The following CDH20 variants were observed in gnomAD, a reference collection of about 807,000 sequenced individuals.
CDH20 encodes the protein cadherin-20.
In CDH20, 29 loss-of-function variants were observed where a neutral mutation model predicts 74.2. The ratio of observed to expected loss-of-function variants is 0.39; its 90% CI spans 0.29 to 0.53. The LOEUF (loss-of-function observed/expected upper bound fraction) is 0.53. Ranked by LOEUF, CDH20 falls within the 20% of genes least tolerant of loss-of-function variation. The pLI, the probability that CDH20 is intolerant of heterozygous loss-of-function variation, is 0.69. For missense variants in CDH20, 988 were observed against 1,048.3 expected, an observed-to-expected ratio of 0.94 and a Z score of 0.79; for synonymous variants, 469 against 405.4, an observed-to-expected ratio of 1.16 and a Z score of -1.88.
At chr18:61,481,191 A>G (rs1910577273) in intron 1 of CDH20, among the ~76,000 whole-genome samples, 1 of 152,254 alleles carries the variant, frequency 6.6e-6, no homozygotes, top group South Asian at 2.1e-4. Flanking sequence ...AAAAACAGAC[A>G]AGTAAATAAT....
At chr18:61,363,356 G>C (rs1233613410) in intron 1 of CDH20, among the ~76,000 whole-genome samples, 6 of 151,998 alleles carry the variant, frequency 3.9e-5, no homozygotes, top group African/African-American at 1.5e-4. Context: ...GAATTTTCCT[G>C]CTTAGGAATT....
chr18:61,340,995 T>A (rs1909929435), intron 1 of CDH20, among the ~76,000 whole-genome samples: 1 of 152,212 alleles, frequency 6.6e-6, no homozygotes, highest in Non-Finnish European at 1.5e-5. Flanking sequence ...TCTTTTCCTA[T>A]GCAAATGGCT....
chr18:61,477,178 T>C (rs1727141723), intron 1 of CDH20, among the ~76,000 whole-genome samples: 1 of 152,152 alleles, frequency 6.6e-6, no homozygotes, highest in Non-Finnish European at 1.5e-5. Context: ...CTAGGTCAAA[T>C]AACAACTCTT....
At chr18:61,448,521 G>A (rs114419543) in intron 1 of CDH20, among the ~76,000 whole-genome samples, 464 of 152,300 alleles carry the variant, frequency 3.0e-3, no homozygotes, top group African/African-American at 6.3e-3. Context: ...CAGGAAGTGC[G>A]ACTGTGGCAG....
At chr18:61,448,879 T>C (rs1221026909) in intron 1 of CDH20, among the ~76,000 whole-genome samples, 1 of 152,136 alleles carries the variant, frequency 6.6e-6, no homozygotes, top group East Asian at 1.9e-4. Flanking sequence ...TCAACACTCT[T>C]CAGGTTCCTC....
At chr18:61,488,876 T>C (rs1400615925) in intron 1 of CDH20, among the ~76,000 whole-genome samples, 1 of 152,224 alleles carries the variant, frequency 6.6e-6, no homozygotes, top group Non-Finnish European at 1.5e-5. Flanking sequence ...CAGAGAAACA[T>C]GAACTGGGCT....
chr18:61,476,171 C>T (rs573315490), intron 1 of CDH20, among the ~76,000 whole-genome samples: 76 of 152,228 alleles, frequency 5.0e-4, no homozygotes, highest in African/African-American at 1.8e-3. Context: ...CAAGAGAATG[C>T]CGCAGAAGAC....
chr18:61,464,010 A>G (rs1909872490), intron 1 of CDH20, among the ~76,000 whole-genome samples: 1 of 152,216 alleles, frequency 6.6e-6, no homozygotes, highest in Admixed American at 6.5e-5. Context: ...AGCACCCAGC[A>G]TGGAGCCCGG....
chr18:61,487,387 C>T (rs778314300), intron 1 of CDH20, among the ~76,000 whole-genome samples: 4 of 152,110 alleles, frequency 2.6e-5, no homozygotes, highest in Non-Finnish European at 4.4e-5. Context: ...AAGAATAATG[C>T]GACTATTGTA....
intron 1 of CDH20, among the ~76,000 whole-genome samples, chr18:61,485,598 C>T (rs1439046319): frequency 6.6e-5 from 10 of 152,122 alleles, no homozygotes; most frequent in Non-Finnish European, 2.9e-5. Context: ...ATTAAGCTAT[C>T]ACTTTTACTT....
At chr18:61,406,523 A>G (rs150861765) in intron 1 of CDH20, among the ~76,000 whole-genome samples, 15 of 152,360 alleles carry the variant, frequency 9.8e-5, no homozygotes, top group Middle Eastern at 3.4e-3. Context: ...AGTGGAGGAC[A>G]GAACACTATA....
At chr18:61,472,297 G>A (rs1483513893) in intron 1 of CDH20, among the ~76,000 whole-genome samples, 1 of 151,986 alleles carries the variant, frequency 6.6e-6, no homozygotes, top group Non-Finnish European at 1.5e-5. Context: ...ACTTCCCCCC[G>A]AGAGACGTGC....
chr18:61,423,357 C>T (rs754328558), intron 1 of CDH20, among the ~76,000 whole-genome samples: 1 of 152,154 alleles, frequency 6.6e-6, no homozygotes, highest in Admixed American at 6.5e-5. Flanking sequence ...GCTTGAGCTC[C>T]TCTAAGTGTG....
chr18:61,440,848 A>G lies in CDH20; in HGVS notation c.-152-49554A>G, dbSNP rs562215614. The stretch of plus-strand genomic sequence containing the variant: ...TGAGGTCTAAGCTTGGAACTTCTGC[A>G]GGCCAAATCAGGTCACAAGGCCAAC... On this transcript the variant is annotated intron_variant, in intron 1 of 11. Transcript: ENST00000262717. Among the ~76,000 whole-genome samples the G allele has an allele frequency of 3.2e-3, 484 of 152,266 alleles. 6 individuals carry two copies. Among genetic ancestry groups the G allele is most frequent in the African/African-American group, 0.011 (467 of 41,554 alleles).
At chr18:61,408,608 A>G (rs1258775855) in intron 1 of CDH20, among the ~76,000 whole-genome samples, 1 of 152,226 alleles carries the variant, frequency 6.6e-6, no homozygotes, top group Non-Finnish European at 1.5e-5. Flanking sequence ...AGGTACAACC[A>G]TCAAGTAAAC....
At chr18:61,443,814 G>A (rs1393509402) in intron 1 of CDH20, among the ~76,000 whole-genome samples, 3 of 152,224 alleles carry the variant, frequency 2.0e-5, no homozygotes, top group Non-Finnish European at 2.9e-5. Flanking sequence ...TCTCCCCATG[G>A]TGCTCTATTA....
At chr18:61,453,223 T>C (rs1233157968) in intron 1 of CDH20, among the ~76,000 whole-genome samples, 3 of 152,180 alleles carry the variant, frequency 2.0e-5, no homozygotes, top group African/African-American at 7.2e-5. Context: ...TCTATAATTT[T>C]GTCATTCCAA....
intron 1 of CDH20, among the ~76,000 whole-genome samples, chr18:61,422,071 G>T (rs1195108902): frequency 6.6e-6 from 1 of 152,060 alleles, no homozygotes; most frequent in Non-Finnish European, 1.5e-5. Context: ...GGATTAATAT[G>T]GCTTCTAGTC....
At chr18:61,426,461 T>C (rs932087010) in intron 1 of CDH20, among the ~76,000 whole-genome samples, 1 of 152,170 alleles carries the variant, frequency 6.6e-6, no homozygotes, top group Admixed American at 6.5e-5. Flanking sequence ...AAATATAGAA[T>C]TTTTAATAGA....
Sources: allele counts gnomAD v4.1 joint callset (sites outside exome capture counted in the v4.1 genomes callset), GRCh38; gene constraint gnomAD v4.1.1; transcripts MANE v1.5; gene names NCBI Gene and HGNC (gene_info 2026-07-23, HGNC 2026-07-21).